Variants in VWA3B observed in about 807,000 individuals in gnomAD.
VWA3B encodes von Willebrand factor A domain containing 3B.
VWA3B carries 138 observed loss-of-function variants against 158.3 expected under a neutral mutation model. The observed-to-expected ratio is 0.87, with a 90% CI of 0.76 to 1.00. The LOEUF is 1.00. Ranked by LOEUF, VWA3B falls within the 50% of genes least tolerant of loss-of-function variation. VWA3B has a pLI of 0.00. For synonymous variants in VWA3B, 596 were observed against 587.3 expected (o/e 1.01, Z -0.21); for missense variants, 1,555 against 1,565.1 (o/e 0.99, Z 0.11).
At chr2:98,298,448 C>CTATTCT (rs1558773950) in intron 24 of VWA3B, among the ~76,000 whole-genome samples, 200 of 89,236 alleles carry the variant, frequency 2.2e-3, no homozygotes, top group Middle Eastern at 6.4e-3. Flanking sequence ...TATTCTATGC[C>CTATTCT]ATGCCATGCC....
chr2:98,150,482 C>T (rs1237660396), intron 7 of VWA3B, among the ~76,000 whole-genome samples: 4 of 152,252 alleles, frequency 2.6e-5, no homozygotes, highest in African/African-American at 9.6e-5. Flanking sequence ...GACTCAGGTT[C>T]ATAGCACCTG....
intron 20 of VWA3B, among the ~76,000 whole-genome samples, chr2:98,250,768 G>T (rs770658089): frequency 6.6e-6 from 1 of 151,982 alleles, no homozygotes; most frequent in African/African-American, 2.4e-5. Context: ...GAGTATAGTT[G>T]GAGTATTTGT....
intron 7 of VWA3B, among the ~76,000 whole-genome samples, chr2:98,139,969 C>T: frequency 6.6e-6 from 1 of 152,158 alleles, no homozygotes; most frequent in East Asian, 1.9e-4. Context: ...TCTGCAGCTT[C>T]ACTCCTGAAG....
At chr2:98,248,863 CTT>C (rs1246796247) in intron 19 of VWA3B, among the ~76,000 whole-genome samples, 7,593 of 49,008 alleles carry the variant, frequency 0.15, 376 homozygotes, top group East Asian at 0.4. Context: ...TTCTTTCTTT[CTT>C]TCTTTCTTTC....
chr2:98,312,045 G>C lies in VWA3B; in HGVS notation c.3735+13G>C, dbSNP rs572566249. The C allele has an allele frequency of 2.6e-5, 41 of 1,591,524 alleles. No homozygotes were observed. In the South Asian group the frequency reaches 3.2e-4, roughly 12 times the overall value. On this transcript the variant is annotated intron_variant, in intron 27 of 27. Coordinates refer to ENST00000477737, the MANE Select transcript of VWA3B (RefSeq NM_144992.5). ...CCCCGAGCCCAGGGTTTGGGTGATG[G>C]GGGGGGAACACAACATCGCTTATCT...
chr2:98,312,002 G>A lies in VWA3B; in HGVS notation c.3705G>A (p.Gly1235=), dbSNP rs1341212263. The change falls in exon 27 of 28, where the codon GGG becomes GGA. Residue 1235 remains glycine (G), a synonymous_variant. Transcript: ENST00000477737. Reference sequence around the variant, plus strand: ...CCTCCCACGGCATCAGCTCCCATGGGTCCTGCCAGGGGACACACCCCGAGC... The same window carrying A: ...CCTCCCACGGCATCAGCTCCCATGGATCCTGCCAGGGGACACACCCCGAGC... The part of the protein sequence containing the change: ...DGSSHGISSH[G]SCQGTHPEPR... The A allele has an allele frequency of 6.2e-7, 1 of 1,602,274 alleles. No individual in the cohort carries two copies. The highest frequency in any genetic ancestry group is 1.1e-5 in the South Asian group (1 of 89,140).
chr2:98,242,538 C>A (rs1427819440), intron 19 of VWA3B, among the ~76,000 whole-genome samples: 2 of 151,784 alleles, frequency 1.3e-5, no homozygotes, highest in Non-Finnish European at 2.9e-5. Context: ...CATCATCACC[C>A]ATCATCATTG....
At position 98,181,193 on chromosome 2, in the gene VWA3B, A is replaced by C; in HGVS notation, c.1292A>C (p.Glu431Ala). The C allele has an allele frequency of 1.9e-6, 3 of 1,614,170 alleles. No homozygotes were observed. Among genetic ancestry groups the C allele is most frequent in the Non-Finnish European group, 2.5e-6 (3 of 1,179,996 alleles). Residue 431 changes from glutamate (E) to alanine (A), a missense_variant, in exon 9 of 28, where the codon GAG becomes GCG. Coordinates refer to ENST00000477737, the MANE Select transcript of VWA3B (RefSeq NM_144992.5). ...GATATAAAAGCCAAACCGGAGAATG[A>C]GTCCGTGCAGACCAGTGCGGTAGGT... ...VVDIKAKPEN[E>A]SVQTSAETNK... is the part of the protein sequence containing the mutation.
intron 2 of VWA3B, among the ~76,000 whole-genome samples, chr2:98,115,167 C>A (rs72817746): frequency 0.011 from 1,670 of 149,312 alleles, 12 homozygotes; most frequent in Non-Finnish European, 0.018. Context: ...AACTAGGACA[C>A]AAATTCTATT....
intron 7 of VWA3B, among the ~76,000 whole-genome samples, chr2:98,153,685 G>A (rs1415773880): frequency 2.0e-5 from 3 of 152,096 alleles, no homozygotes; most frequent in Admixed American, 6.5e-5. Flanking sequence ...TACTGGCAGC[G>A]GGAGATTCTT....
intron 2 of VWA3B, among the ~76,000 whole-genome samples, chr2:98,105,576 T>C (rs1673577318): frequency 6.6e-6 from 1 of 152,184 alleles, no homozygotes; most frequent in South Asian, 2.1e-4. Flanking sequence ...TATTTTGAAT[T>C]AGTTTCTGTA....
intron 14 of VWA3B, among the ~76,000 whole-genome samples, chr2:98,222,865 A>C (rs969246274): frequency 6.6e-6 from 1 of 152,218 alleles, no homozygotes; most frequent in Non-Finnish European, 1.5e-5. Flanking sequence ...TACCAAGTAA[A>C]ATAAAAGATT....
intron 12 of VWA3B, 111 bp from the exon 13 acceptor site, chr2:98,211,819 C>G (rs2105549359): frequency 4.4e-5 from 37 of 836,220 alleles, no homozygotes; most frequent in Non-Finnish European, 6.3e-5. Context: ...AATTATTTAT[C>G]TTTCATCTCA....
At chr2:98,121,480 G>A (rs770530766) in intron 5 of VWA3B, 22 bp downstream of exon 5, 1 of 1,606,052 alleles carries the variant, frequency 6.2e-7, no homozygotes, top group Non-Finnish European at 8.5e-7. Context: ...TTCATGGCTG[G>A]CCCCAGGCCA....
chr2:98,177,290 C>T (rs1680092161), intron 8 of VWA3B, among the ~76,000 whole-genome samples: 2 of 152,168 alleles, frequency 1.3e-5, no homozygotes, highest in South Asian at 2.1e-4. Context: ...GCTCCCTTCT[C>T]ATAACAGAAA....
chr2:98,214,785 T>C (rs756710502), intron 13 of VWA3B, among the ~76,000 whole-genome samples: 6 of 152,194 alleles, frequency 3.9e-5, no homozygotes, highest in Non-Finnish European at 7.3e-5. Context: ...AGTCGGATTG[T>C]TTTTGAGCTT....
chr2:98,283,941 A>G (rs1003279234), intron 22 of VWA3B, among the ~76,000 whole-genome samples: 3 of 152,226 alleles, frequency 2.0e-5, no homozygotes, highest in Admixed American at 2.0e-4. Context: ...ACAGTAGGCC[A>G]TTTTGAACCT....
intron 9 of VWA3B, among the ~76,000 whole-genome samples, chr2:98,184,704 G>A (rs974887136): frequency 4.6e-5 from 7 of 152,302 alleles, no homozygotes; most frequent in Admixed American, 1.3e-4. Context: ...GATGCTTACC[G>A]GGGCTCCTCT....
At chr2:98,274,154 T>C (rs905597959) in intron 22 of VWA3B, among the ~76,000 whole-genome samples, 1 of 152,122 alleles carries the variant, frequency 6.6e-6, no homozygotes, top group Admixed American at 6.5e-5. Context: ...GGATACCTTA[T>C]ATTGGACACA....
Sources: gnomAD v4.1 joint callset for allele counts (sites outside exome capture counted in the v4.1 genomes callset) on GRCh38, gnomAD v4.1.1 for gene constraint, MANE v1.5 for transcripts, NCBI Gene and HGNC (gene_info 2026-07-23, HGNC 2026-07-21) for gene names.